Variants in ITGAV observed in about 807,000 individuals in gnomAD.
ITGAV encodes the protein integrin alpha-V.
A neutral mutation model predicts 143.8 loss-of-function variants in ITGAV; 76 were observed. The observed-to-expected ratio is 0.53, with a 90% CI of 0.44 to 0.64. ITGAV has a LOEUF of 0.64. Ranked by LOEUF, ITGAV falls within the 30% of genes least tolerant of loss-of-function variation. The probability of loss-of-function intolerance (pLI) is 0.00; values close to 1 mark genes in which losing one functional copy is unlikely to be tolerated. For synonymous variants in ITGAV, 453 were observed against 446.7 expected, an observed-to-expected ratio of 1.01 and a Z score of -0.18; for missense variants, 1,193 against 1,274.7, an observed-to-expected ratio of 0.94 and a Z score of 0.98.
In ITGAV at chr2:186,636,170, T is replaced by A. The variant is rs755379590; in HGVS notation, c.720T>A (p.Thr240=). The A allele has an allele frequency of 6.2e-6, 10 of 1,612,888 alleles. No homozygotes were observed. Among genetic ancestry groups the A allele is most frequent in the Non-Finnish European group, 2.5e-6 (3 of 1,179,518 alleles). The part of the protein sequence containing the change: ...YSIKYNNQLA[T]RTAQAIFDDS... ...TCAAGTATAATAACCAATTAGCAAC[T>A]CGGACTGCACAAGCTATTTTTGATG... The change falls in exon 7 of 30, where the codon ACT becomes ACA. Residue 240 remains threonine (T), a synonymous_variant. Transcript: ENST00000261023.
intron 2 of ITGAV, among the ~76,000 whole-genome samples, chr2:186,613,133 T>C (rs1029833612): frequency 2.0e-5 from 3 of 151,640 alleles, no homozygotes; most frequent in African/African-American, 7.3e-5. Context: ...TCTTTAGGAC[T>C]TAACATGGGA....
intron 18 of ITGAV, chr2:186,660,639 G>T (rs930255189): frequency 6.6e-6 from 1 of 152,076 alleles, no homozygotes; most frequent in Non-Finnish European, 1.5e-5. Flanking sequence ...TTTTTAATTT[G>T]CTGGTTAGCA....
intron 26 of ITGAV, among the ~76,000 whole-genome samples, chr2:186,673,996 C>T (rs1689137757): frequency 6.6e-6 from 1 of 152,010 alleles, no homozygotes; most frequent in South Asian, 2.1e-4. Flanking sequence ...TTTGTAGAGA[C>T]AGGGTCTTAT....
Position 186,590,414 on chromosome 2 carries a change from C to T in ITGAV, c.76C>T (p.Pro26Ser), listed in dbSNP as rs753401124. The change falls in exon 1 of 30, where the codon CCT becomes TCT. Residue 26 changes from proline to serine, a missense_variant. Physicochemically the swap from Pro to Ser is moderately conservative, Grantham distance 74. Coordinates refer to ENST00000261023, the MANE Select transcript of ITGAV (RefSeq NM_002210.5). ...GCTTCTTCTCTCGGGACTCCTGCTA[C>T]CTCTGTGCCGCGCCTTCAACCTAGA... is the stretch of plus-strand genomic sequence containing the variant. Reference protein sequence around the residue: ...LPLLLSGLLLPLCRAFNLDVD... With the variant: ...LPLLLSGLLLSLCRAFNLDVD... The T allele has an allele frequency of 1.2e-6, 2 of 1,612,976 alleles. No individual in the cohort carries two copies. The highest frequency in any genetic ancestry group is 1.7e-6 in the Non-Finnish European group (2 of 1,179,806).
chr2:186,620,678 G>A (rs754605865), intron 2 of ITGAV, among the ~76,000 whole-genome samples: 2 of 152,248 alleles, frequency 1.3e-5, no homozygotes, highest in South Asian at 2.1e-4. Context: ...TGGGAGGATC[G>A]CTTCAGTATA....
At chr2:186,672,653 G>A (rs547083146) in intron 26 of ITGAV, among the ~76,000 whole-genome samples, 4 of 152,204 alleles carry the variant, frequency 2.6e-5, no homozygotes, top group Non-Finnish European at 5.9e-5. Context: ...GTAACTCATT[G>A]TGGTTTTGAT....
chr2:186,668,735 TAG>T (rs1230185715), intron 24 of ITGAV, 25 bp from the exon 25 acceptor site: 2 of 1,608,048 alleles, frequency 1.2e-6, no homozygotes, highest in Non-Finnish European at 1.7e-6. Flanking sequence ...GCCCAAGGTG[TAG>T]ATACATTTTC....
chr2:186,636,555 G>A (rs2105704576), intron 7 of ITGAV, among the ~76,000 whole-genome samples: 1 of 152,294 alleles, frequency 6.6e-6, no homozygotes, highest in East Asian at 1.9e-4. Context: ...TGAAAACACT[G>A]AGGCACTGAG....
At chr2:186,658,081 C>A (rs1269943668) in intron 17 of ITGAV, among the ~76,000 whole-genome samples, 1 of 151,872 alleles carries the variant, frequency 6.6e-6, no homozygotes, top group African/African-American at 2.4e-5. Context: ...AATGACTAAG[C>A]CATTATAAGC....
At chr2:186,668,659 T>C in intron 24 of ITGAV, 103 bp from the exon 25 acceptor site, 1 of 1,017,078 alleles carries the variant, frequency 9.8e-7, no homozygotes, top group Non-Finnish European at 1.5e-6. Flanking sequence ...ATTGCTGTTA[T>C]TTAAAACCTA....
intron 2 of ITGAV, among the ~76,000 whole-genome samples, chr2:186,618,920 G>A (rs1387858520): frequency 6.6e-6 from 1 of 152,034 alleles, no homozygotes; most frequent in East Asian, 1.9e-4. Context: ...CCAAAGGAAA[G>A]GAAATCAGTA....
intron 2 of ITGAV, among the ~76,000 whole-genome samples, chr2:186,616,994 C>T (rs1387867065): frequency 6.7e-6 from 1 of 150,372 alleles, no homozygotes; most frequent in Non-Finnish European, 1.5e-5. Flanking sequence ...TCTATGAATG[C>T]AGGGTGGTAT....
rs189247242 is a variant in ITGAV, at chr2:186,628,308, G to A, written c.524-2489G>A. Among the ~76,000 whole-genome samples, 510 of 152,168 alleles carry A rather than the reference G, an allele frequency of 3.4e-3. 2 individuals carry two copies. The highest frequency in any genetic ancestry group is 0.012 in the African/African-American group (484 of 41,536). ...ATTTTATTTATTTGTTTGCTTTTGA[G>A]TTTTTGTTGTTGTTGTTGTTGGTTA... is the stretch of plus-strand genomic sequence containing the variant. On this transcript the variant is annotated intron_variant, in intron 4 of 29. Transcript: ENST00000261023.
chr2:186,661,575 C>A (rs568777455), intron 18 of ITGAV, among the ~76,000 whole-genome samples: 1 of 148,656 alleles, frequency 6.7e-6, no homozygotes, highest in Admixed American at 6.8e-5. Context: ...CATTCAAATA[C>A]ACATTAAGTT....
intron 12 of ITGAV, among the ~76,000 whole-genome samples, chr2:186,645,814 C>A (rs1199666511): frequency 6.6e-5 from 10 of 150,504 alleles, no homozygotes; most frequent in Admixed American, 3.3e-4. Context: ...GAAAAAAAAA[C>A]AAAAAAAATT....
At chr2:186,599,654 G>A (rs1400693885) in intron 1 of ITGAV, among the ~76,000 whole-genome samples, 2 of 152,146 alleles carry the variant, frequency 1.3e-5, no homozygotes, top group Non-Finnish European at 2.9e-5. Context: ...ACAGGCGCAT[G>A]CCACCACACC....
rs61765185 is a variant in ITGAV at position 186,644,958 on chromosome 2, G to A, written c.1160-1728G>A. Among the ~76,000 whole-genome samples, 306 of 152,286 alleles carry A rather than the reference G, an allele frequency of 2.0e-3. 3 individuals carry two copies. The highest frequency in any genetic ancestry group is 7.2e-3 in the African/African-American group (301 of 41,562). On this transcript the variant is annotated intron_variant, in intron 12 of 29. Coordinates refer to ENST00000261023, the MANE Select transcript of ITGAV (RefSeq NM_002210.5). ...GAGATGATGAGGCATGGCTTATTAA[G>A]GAGCTATGAGACAGCTCGTGTACAT...
chr2:186,665,312 C>A, intron 21 of ITGAV, 94 bp downstream of exon 21: 1 of 775,176 alleles, frequency 1.3e-6, no homozygotes, highest in Non-Finnish European at 2.2e-6. Context: ...ATAAACACTT[C>A]AAAACAATGT....
At chr2:186,610,297 G>A (rs1299047297) in intron 2 of ITGAV, among the ~76,000 whole-genome samples, 1 of 152,132 alleles carries the variant, frequency 6.6e-6, no homozygotes, top group African/African-American at 2.4e-5. Context: ...GCTTTAGTGA[G>A]CCTTCAGGAG....
Sources: gnomAD v4.1 joint callset for allele counts (sites outside exome capture counted in the v4.1 genomes callset) on GRCh38, gnomAD v4.1.1 for gene constraint, MANE v1.5 for transcripts, NCBI Gene and HGNC (gene_info 2026-07-23, HGNC 2026-07-21) for gene names.